The following ACAP3 variants were observed in gnomAD, a reference collection of about 807,000 sequenced individuals.
The protein encoded by ACAP3 is ArfGAP with coiled-coil, ankyrin repeat and PH domains 3.
In ACAP3, 56 loss-of-function variants were observed where a neutral mutation model predicts 104.1. The observed-to-expected ratio is 0.54, with a 90% CI of 0.43 to 0.67. ACAP3 has a LOEUF of 0.67. ACAP3 is among the 30% of genes least tolerant of loss of function. ACAP3 has a pLI of 0.00. For missense variants in ACAP3, 1,208 were observed against 1,174.9 expected, an observed-to-expected ratio of 1.03 and a Z score of -0.41; for synonymous variants, 628 against 496.2, an observed-to-expected ratio of 1.27 and a Z score of -3.53.
Position 1,293,579 on chromosome 1 carries a change from G to A in ACAP3, c.2490C>T (p.His830=), listed in dbSNP as rs1401776393. ...RRCIQEFISL[H]LEES is the part of the protein sequence containing the mutation. ...CTGCCCGGCCCTAGCTCTCTTCCAG[G>A]TGGAGGCTGATGAACTCCTGGATAC... The change falls in exon 24 of 24, where the codon CAC becomes CAT. Residue 830 remains histidine, a synonymous_variant. Transcript: ENST00000354700. The A allele has an allele frequency of 6.7e-7, 1 of 1,490,882 alleles. No individual in the cohort carries two copies. The highest frequency in any genetic ancestry group is 2.1e-5 in the Admixed American group (1 of 46,742). 92.4% of individuals were successfully genotyped at this position (1,490,882 alleles called of 1,614,324 possible). A position where few individuals can be genotyped will look rare whatever the true frequency, so the allele number is the denominator to read the frequency against.
intron 1 of ACAP3, among the ~76,000 whole-genome samples, chr1:1,306,155 C>T (rs61766197): frequency 1.3e-5 from 2 of 152,192 alleles, no homozygotes; most frequent in Admixed American, 6.5e-5. Flanking sequence ...AGTCACTCTA[C>T]GGCACCTACT....
At chr1:1,301,555 A>G in intron 5 of ACAP3, 1 of 147,218 alleles carries the variant, frequency 6.8e-6, no homozygotes, top group Non-Finnish European at 1.5e-5. Flanking sequence ...CACCATGCCC[A>G]GCCCCACCCC....
Position 1,293,660 on chromosome 1 carries a change from G to A in ACAP3, c.2409C>T (p.Ala803=), listed in dbSNP as rs1403520321. The part of the protein sequence containing the change: ...MAEEMREAEA[A]PGPPGALAGS... Reference sequence around the variant, plus strand: ...CCGCCAGGGCGCCCGGGGGACCAGGGGCAGCCTCGGCCTCGCGCATTTCCT... The same window carrying A: ...CCGCCAGGGCGCCCGGGGGACCAGGAGCAGCCTCGGCCTCGCGCATTTCCT... Residue 803 remains alanine, a synonymous_variant, in exon 24 of 24, where the codon GCC becomes GCT. Transcript: ENST00000354700. The A allele has an allele frequency of 4.1e-6, 6 of 1,469,764 alleles. No individual in the cohort carries two copies. Among genetic ancestry groups the A allele is most frequent in the East Asian group, 2.8e-5 (1 of 35,174 alleles). 91.0% of individuals were successfully genotyped at this position (1,469,764 alleles called of 1,614,324 possible). A position where few individuals can be genotyped will look rare whatever the true frequency, so the allele number is the denominator to read the frequency against.
chr1:1,300,463 T>C, intron 6 of ACAP3, 46 bp downstream of exon 6: 1 of 1,559,378 alleles, frequency 6.4e-7, no homozygotes, highest in Non-Finnish European at 8.7e-7. Context: ...GAGGCCTCCA[T>C]TCGCTACAGC....
chr1:1,303,263 C>T lies in ACAP3; in HGVS notation c.124G>A (p.Gly42Ser), dbSNP rs1641531445. 1 of 1,594,282 alleles carries T rather than the reference C, an allele frequency of 6.3e-7. No individual in the cohort carries two copies. Among genetic ancestry groups the T allele is most frequent in the Admixed American group, 1.7e-5 (1 of 57,348 alleles). The change falls in exon 3 of 24, where the codon GGC (glycine) becomes AGC (serine). Residue 42 changes from glycine (G) to serine (S), a missense_variant. Gly to Ser is a moderately conservative substitution (Grantham distance 56, BLOSUM62 0). Coordinates refer to ENST00000354700, the MANE Select transcript of ACAP3 (RefSeq NM_030649.3). This position sits in a 1 kb window ranked among gnomAD's most constrained non-coding sequence, Gnocchi z 4.0. ...KLDKLVKLCS[G>S]MVEAGKAYVS... ...TAGGCCTTACCGGCTTCCACCATGCCACTGCACAGCTTCACCAGCTGTGGG... is the reference window on the plus strand; with the variant it reads ...TAGGCCTTACCGGCTTCCACCATGCTACTGCACAGCTTCACCAGCTGTGGG...
Position 1,296,476 on chromosome 1 carries a change from G to A in ACAP3, c.1286C>T (p.Ala429Val). The A allele has an allele frequency of 6.5e-7, 1 of 1,545,130 alleles. No individual in the cohort carries two copies. Among genetic ancestry groups the A allele is most frequent in the South Asian group, 1.2e-5 (1 of 84,072 alleles). ...GDCGQPDPRW[A>V]SINLGVLLCI... Reference sequence around the variant, plus strand: ...GAGCAGCACGCCCAGGTTGATGCTGGCCCAGCGGGGGTCCGGCTGGCCGCA... The same window carrying A: ...GAGCAGCACGCCCAGGTTGATGCTGACCCAGCGGGGGTCCGGCTGGCCGCA... The change falls in exon 15 of 24, where the codon GCC becomes GTC. Residue 429 changes from alanine (A) to valine (V), a missense_variant. Physicochemically the swap from Ala to Val is moderately conservative, Grantham distance 64. Coordinates refer to ENST00000354700, the MANE Select transcript of ACAP3 (RefSeq NM_030649.3).
At position 1,298,585 on chromosome 1, in the gene ACAP3, G is replaced by GCGTT. The variant is rs1250014955; in HGVS notation, c.841_844dup (p.Ala282GlufsTer34). On this transcript the variant is annotated frameshift_variant, in exon 11 of 24. Coordinates refer to ENST00000354700, the MANE Select transcript of ACAP3 (RefSeq NM_030649.3). LOFTEE classifies it high-confidence loss of function. ...CTCTCACCGGTTCCATGTCTTGAAA[G>GCGTT]CGTTGCTGGCCCTCTTGAAGAGGTA... 1 of 1,584,428 alleles carries GCGTT rather than the reference G, an allele frequency of 6.3e-7. No homozygotes were observed. The highest frequency in any genetic ancestry group is 8.6e-7 in the Non-Finnish European group (1 of 1,167,478).
intron 14 of ACAP3, among the ~76,000 whole-genome samples, chr1:1,296,921 G>A (rs1006627269): frequency 5.9e-5 from 9 of 152,156 alleles, no homozygotes; most frequent in Non-Finnish European, 1.2e-4. Flanking sequence ...ATGGTGCCGA[G>A]CACACTCCCA....
Position 1,304,072 on chromosome 1 carries a change from G to C in ACAP3, c.105+14C>G. 1 of 1,550,522 alleles carries C rather than the reference G, an allele frequency of 6.4e-7. No individual in the cohort carries two copies. Among genetic ancestry groups the C allele is most frequent in the Non-Finnish European group, 8.7e-7 (1 of 1,146,854 alleles). On this transcript the variant is annotated intron_variant, in intron 2 of 23. Transcript: ENST00000354700. ...GCTTGGCCGGGCACAGGGCGCTCCA[G>C]GCCCGCCCTTCACCTTGTCCAGTTT... is the stretch of plus-strand genomic sequence containing the variant.
intron 21 of ACAP3, 91 bp downstream of exon 21, chr1:1,294,311 C>T: frequency 4.0e-6 from 6 of 1,512,918 alleles, no homozygotes; most frequent in Middle Eastern, 3.4e-4. Context: ...TGGTCCCCAC[C>T]GCGGACAGGC....
chr1:1,293,876 C>G lies in ACAP3; in HGVS notation c.2307G>C (p.Gln769His), dbSNP rs1011452948. ...GADQHALDQEQRDPLAIAVQA... is the reference protein window; with the variant it reads ...GADQHALDQEHRDPLAIAVQA... ...GCACTGCGATGGCCAACGGGTCCCG[C>G]TGCTCTTGGTCCAGGGCGTGCTGGT... The change falls in exon 23 of 24, where the codon CAG becomes CAC. Residue 769 changes from glutamine (Q) to histidine (H), a missense_variant. Physicochemically the swap from Gln to His is conservative, Grantham distance 24. Coordinates refer to ENST00000354700, the MANE Select transcript of ACAP3 (RefSeq NM_030649.3). 2 of 1,586,956 alleles carry G rather than the reference C, an allele frequency of 1.3e-6. No individual in the cohort carries two copies. Among genetic ancestry groups the G allele is most frequent in the Admixed American group, 3.4e-5 (2 of 58,778 alleles).
intron 6 of ACAP3, 73 bp from the exon 7 acceptor site, chr1:1,300,275 C>A (rs1641387601): frequency 1.3e-6 from 2 of 1,502,316 alleles, no homozygotes; most frequent in Admixed American, 2.2e-5. Context: ...GCCATAGAGT[C>A]CACCTGAGCT....
At chr1:1,296,332 G>A (rs768287189) in intron 15 of ACAP3, 52 bp from the exon 16 acceptor site, 10 of 1,548,726 alleles carry the variant, frequency 6.5e-6, no homozygotes, top group South Asian at 3.6e-5. Context: ...CCCCAGCTCC[G>A]GCCCAACCCC....
intron 1 of ACAP3, 110 bp from the exon 2 acceptor site, chr1:1,304,253 G>A (rs1490282994): frequency 2.9e-6 from 4 of 1,364,730 alleles, no homozygotes; most frequent in Admixed American, 4.1e-5. Context: ...GGGCTTTCAG[G>A]AAACAGGCTG....
At chr1:1,295,063 T>TCGC in intron 19 of ACAP3, 2 of 563,270 alleles carry the variant, frequency 3.6e-6, no homozygotes, top group Admixed American at 6.7e-5. Flanking sequence ...TCCCTCCCGC[T>TCGC]CGCCGCCTTA....
At position 1,293,531 on chromosome 1, in the gene ACAP3, G is replaced by A. The variant is rs1640934991; in HGVS notation, c.*33C>T. The A allele has an allele frequency of 5.6e-6, 8 of 1,418,296 alleles. No individual in the cohort carries two copies. Among genetic ancestry groups the A allele is most frequent in the Admixed American group, 3.1e-5 (1 of 32,376 alleles). 87.9% of individuals were successfully genotyped at this position (1,418,296 alleles called of 1,614,324 possible). A position where few individuals can be genotyped will look rare whatever the true frequency, so the allele number is the denominator to read the frequency against. ...TTCGGGGCATGCGGGGCGTCGGGCC[G>A]GGCGGGGTGGCAGCTGCCCGGCCTG... On this transcript the variant is annotated 3_prime_UTR_variant, in exon 24 of 24. Coordinates refer to ENST00000354700, the MANE Select transcript of ACAP3 (RefSeq NM_030649.3).
chr1:1,297,004 C>A (rs1292815710), intron 14 of ACAP3, among the ~76,000 whole-genome samples: 1 of 152,272 alleles, frequency 6.6e-6, no homozygotes, highest in African/African-American at 2.4e-5. Context: ...CCACACTGCA[C>A]AAGCCAGCAT....
Position 1,307,876 on chromosome 1 carries a change from C to A in ACAP3, c.-61G>T. 1.1e-6 allele frequency: 1 copy of A among 940,314 alleles called. No homozygotes were observed. The highest frequency in any genetic ancestry group is 6.2e-5 in the Admixed American group (1 of 16,156). 58.2% of individuals were successfully genotyped at this position (940,314 alleles called of 1,614,324 possible). A position where few individuals can be genotyped will look rare whatever the true frequency, so the allele number is the denominator to read the frequency against. On this transcript the variant is annotated 5_prime_UTR_variant, in exon 1 of 24. Transcript: ENST00000354700. The stretch of plus-strand genomic sequence containing the variant: ...CCGCGGCGCCGAGCGGCAGCCGCGC[C>A]GGCCCGGACCGCTCGTCCCGCCCGC...
chr1:1,294,000 G>A (rs1406341715), intron 22 of ACAP3, 67 bp from the exon 23 acceptor site: 5 of 1,468,204 alleles, frequency 3.4e-6, no homozygotes, highest in Non-Finnish European at 4.5e-6. Context: ...TCGCGGGGGC[G>A]TGGCCGGATA....
Sources: allele counts gnomAD v4.1 joint callset (sites outside exome capture counted in the v4.1 genomes callset), GRCh38; gene constraint gnomAD v4.1.1; non-coding constraint Gnocchi (gnomAD v3.1); transcripts MANE v1.5; gene names NCBI Gene and HGNC (gene_info 2026-07-23, HGNC 2026-07-21).